The following TENM2 variants were observed in gnomAD, a reference collection of about 807,000 sequenced individuals.
TENM2 encodes teneurin transmembrane protein 2, also known as teneurin-2.
In TENM2, 52 loss-of-function variants were observed where a neutral mutation model predicts 245.2. The ratio of observed to expected loss-of-function variants is 0.21; its 90% CI spans 0.17 to 0.27. The LOEUF is 0.27. Among genes scored for constraint, TENM2 ranks in the 10% least tolerant of loss-of-function variants. The probability of loss-of-function intolerance (pLI) is 1.00; values close to 1 mark genes in which losing one functional copy is unlikely to be tolerated. For missense variants in TENM2, 3,046 were observed against 3,666.8 expected (o/e 0.83, Z 4.37); for synonymous variants, 1,363 against 1,438.9 (o/e 0.95, Z 1.19).
At chr5:167,202,259 AGCATCTCCTGCT>A in the TENM2 span, among the ~76,000 whole-genome samples, 3 of 152,022 alleles carry the variant, frequency 2.0e-5, no homozygotes, top group Admixed American at 1.3e-4. Context: ...ATCTTTCTCC[AGCATCTCCTGCT>A]GCATCTCCCG....
At chr5:168,213,240 G>T (rs1762921669) in intron 20 of TENM2, among the ~76,000 whole-genome samples, 1 of 152,188 alleles carries the variant, frequency 6.6e-6, no homozygotes, top group East Asian at 1.9e-4. Flanking sequence ...ATCTGGGCTG[G>T]AATTTCAGAA....
the TENM2 span, among the ~76,000 whole-genome samples, chr5:167,261,283 A>G: frequency 2.0e-5 from 3 of 152,080 alleles, no homozygotes; most frequent in African/African-American, 7.2e-5. Context: ...TCTTGTTCCC[A>G]TCTTTGCCAC....
chr5:167,801,109 A>AATATAT (rs869282464), intron 2 of TENM2, among the ~76,000 whole-genome samples: 62 of 66,534 alleles, frequency 9.3e-4, no homozygotes, highest in South Asian at 1.8e-3. Context: ...AAAAAAAAAA[A>AATATAT]ATATATATAT....
intron 1 of TENM2, among the ~76,000 whole-genome samples, chr5:167,349,136 A>G (rs1056984767): frequency 2.6e-5 from 4 of 152,172 alleles, no homozygotes; most frequent in Non-Finnish European, 4.4e-5. Flanking sequence ...ATTTTGGACC[A>G]CTGCCATCAC....
At chr5:167,989,866 G>A (rs1783536038) in intron 4 of TENM2, among the ~76,000 whole-genome samples, 1 of 152,160 alleles carries the variant, frequency 6.6e-6, no homozygotes, top group South Asian at 2.1e-4. Context: ...ACTTGTTCCA[G>A]ACAGCTGTGA....
At chr5:167,559,633 T>C (rs992767974) in intron 2 of TENM2, among the ~76,000 whole-genome samples, 1 of 151,954 alleles carries the variant, frequency 6.6e-6, no homozygotes, top group African/African-American at 2.4e-5. Context: ...GTTAAATACA[T>C]GCGTGGCCCA....
chr5:167,750,235 A>C (rs1229314904), intron 2 of TENM2, among the ~76,000 whole-genome samples: 1 of 152,094 alleles, frequency 6.6e-6, no homozygotes, highest in African/African-American at 2.4e-5. Context: ...GAATTTCCCC[A>C]TCACCCTTCC....
chr5:167,399,572 C>T (rs1390428074), intron 2 of TENM2, among the ~76,000 whole-genome samples: 1 of 152,114 alleles, frequency 6.6e-6, no homozygotes, highest in Non-Finnish European at 1.5e-5. Context: ...TGGCATAGCA[C>T]AATAATTAAG....
chr5:167,479,698 G>A lies in TENM2; in HGVS notation c.502+104225G>A, dbSNP rs149826107. Among the ~76,000 whole-genome samples, 309 of 152,142 alleles carry A rather than the reference G, an allele frequency of 2.0e-3. 3 individuals are homozygous for A. The highest frequency in any genetic ancestry group is 7.1e-3 in the African/African-American group (293 of 41,508). ...AGCTTCTTAGATTTATTGGCATCAC[G>A]TTTTTTACTCTGCATTGTGGTAGCA... On this transcript the variant is annotated intron_variant, in intron 2 of 28. Transcript: ENST00000518659.
At chr5:167,394,417 T>C (rs1391664895) in intron 2 of TENM2, among the ~76,000 whole-genome samples, 1 of 152,194 alleles carries the variant, frequency 6.6e-6, no homozygotes, top group African/African-American at 2.4e-5. Flanking sequence ...TTGTTGAAGA[T>C]CAGTTGACTA....
At chr5:167,029,743 T>C in the TENM2 span, among the ~76,000 whole-genome samples, 3 of 152,220 alleles carry the variant, frequency 2.0e-5, no homozygotes, top group Non-Finnish European at 4.4e-5. Context: ...GGCTTTGGCA[T>C]GGTTCTCACA....
the TENM2 span, among the ~76,000 whole-genome samples, chr5:167,272,139 G>C: frequency 6.6e-6 from 1 of 152,184 alleles, no homozygotes; most frequent in African/African-American, 2.4e-5. Flanking sequence ...ACAGACTCCA[G>C]CTTCATCCCC....
At chr5:167,103,902 GCA>G in the TENM2 span, among the ~76,000 whole-genome samples, 4 of 150,818 alleles carry the variant, frequency 2.7e-5, no homozygotes, top group Non-Finnish European at 4.4e-5. Context: ...ACACGCATGC[GCA>G]CACACACACA....
chr5:167,060,691 T>C, the TENM2 span, among the ~76,000 whole-genome samples: 2 of 151,572 alleles, frequency 1.3e-5, no homozygotes, highest in Non-Finnish European at 2.9e-5. Context: ...ATTTGATATA[T>C]GTATATTTTA....
intron 2 of TENM2, among the ~76,000 whole-genome samples, chr5:167,516,357 G>T (rs1392856803): frequency 6.6e-6 from 1 of 152,084 alleles, no homozygotes; most frequent in Non-Finnish European, 1.5e-5. Flanking sequence ...GAGTGGAAAA[G>T]TTAGGTTTCA....
the TENM2 span, among the ~76,000 whole-genome samples, chr5:167,134,484 A>G: frequency 6.6e-6 from 1 of 152,340 alleles, no homozygotes; most frequent in Admixed American, 6.5e-5. Context: ...GATTGTTACA[A>G]CATACACTCG....
intron 1 of TENM2, among the ~76,000 whole-genome samples, chr5:167,293,277 C>T (rs867646199): frequency 2.0e-5 from 3 of 152,042 alleles, no homozygotes; most frequent in African/African-American, 4.8e-5. Flanking sequence ...TCTCTGCTCA[C>T]AGCAATCTCC....
intron 2 of TENM2, among the ~76,000 whole-genome samples, chr5:167,682,987 G>A (rs2150381628): frequency 6.6e-6 from 1 of 152,144 alleles, no homozygotes; most frequent in Admixed American, 6.6e-5. Flanking sequence ...CTTTCCCCAG[G>A]AAAAACTTTC....
chr5:167,029,389 C>T, the TENM2 span, among the ~76,000 whole-genome samples: 1 of 152,130 alleles, frequency 6.6e-6, no homozygotes, highest in African/African-American at 2.4e-5. Context: ...CCCCTTTGGC[C>T]TCTAATGAGC....
Sources: gnomAD v4.1 joint callset for allele counts (sites outside exome capture counted in the v4.1 genomes callset) on GRCh38, gnomAD v4.1.1 for gene constraint, MANE v1.5 for transcripts, NCBI Gene and HGNC (gene_info 2026-07-23, HGNC 2026-07-21) for gene names.